NPC2: variants seen among roughly 807,000 people sequenced by gnomAD.
NPC2 encodes the protein Niemann-Pick disease type C2 protein.
Under a neutral mutation model 17.0 loss-of-function variants are expected in NPC2, and 14 were observed. The ratio of observed to expected loss-of-function variants is 0.82; its 90% confidence interval spans 0.54 to 1.29. The LOEUF is 1.29. Ranked by LOEUF, NPC2 falls within the 50% of genes most tolerant of loss-of-function variation. NPC2 has a pLI of 0.00. For missense variants in NPC2, 167 were observed against 183.4 expected, an observed-to-expected ratio of 0.91 and a Z score of 0.52; for synonymous variants, 75 against 69.3, an observed-to-expected ratio of 1.08 and a Z score of -0.41.
chr14:74,491,364 C>T (rs2086770225), intron 1 of NPC2, among the ~76,000 whole-genome samples: 1 of 152,152 alleles, frequency 6.6e-6, no homozygotes, highest in South Asian at 2.1e-4. Context: ...AGCCACTGTG[C>T]CTGGCCGGAA....
intron 1 of NPC2, 22 bp from the exon 2 acceptor site, chr14:74,486,458 G>T: frequency 1.9e-6 from 3 of 1,542,678 alleles, no homozygotes; most frequent in Non-Finnish European, 2.6e-6. Flanking sequence ...AAATGAATTG[G>T]AATAGGAGAA....
At chr14:74,491,335 T>A (rs2086769840) in intron 1 of NPC2, among the ~76,000 whole-genome samples, 2 of 152,152 alleles carry the variant, frequency 1.3e-5, no homozygotes, top group Non-Finnish European at 1.5e-5. Context: ...CCTCCCAAAG[T>A]GCTGGGATTA....
chr14:74,484,279 T>G lies in NPC2; in HGVS notation c.363+136A>C. On this transcript the variant is annotated intron_variant, in intron 3 of 4. Transcript: ENST00000555619. ...CTCCTGATGCCTAACACCGCACCTATCTCCTTTCCCTCGGGCTTCTTCTTC... is the reference window on the plus strand; with the variant it reads ...CTCCTGATGCCTAACACCGCACCTAGCTCCTTTCCCTCGGGCTTCTTCTTC... The G allele has an allele frequency of 4.3e-6, 4 of 921,474 alleles. No homozygotes were observed. In the South Asian group the frequency reaches 5.3e-5, roughly 12 times the overall value. The allele number at this position is 921,474 out of a possible 1,614,324, so 57.1% of individuals were successfully genotyped here.
intron 2 of NPC2, among the ~76,000 whole-genome samples, chr14:74,485,152 G>A (rs918124576): frequency 1.3e-5 from 2 of 151,810 alleles, no homozygotes; most frequent in Non-Finnish European, 2.9e-5. Flanking sequence ...AAAATTAGCC[G>A]GGCGTGGTGG....
In NPC2 at chr14:74,480,053, G is replaced by T. The variant is rs1258879921; in HGVS notation, c.*221C>A. 6.6e-7 allele frequency: 1 copy of T among 1,511,256 alleles called. No individual in the cohort carries two copies. Among genetic ancestry groups the T allele is most frequent in the Non-Finnish European group, 8.8e-7 (1 of 1,133,880 alleles). The allele number at this position is 1,511,256 out of a possible 1,614,324, so 93.6% of individuals were successfully genotyped here. ...AAAATTAAACATCTGCTAACCAAGT[G>T]CTGCATTTAATGAAACCACCTAAGA... On this transcript the variant is annotated 3_prime_UTR_variant, in exon 5 of 5. Transcript: ENST00000555619.
At chr14:74,486,589 T>C (rs563623927) in intron 1 of NPC2, among the ~76,000 whole-genome samples, 153 bp from the exon 2 acceptor site, 22 of 152,328 alleles carry the variant, frequency 1.4e-4, no homozygotes, top group Admixed American at 1.0e-3. Flanking sequence ...TTAAGAATAA[T>C]GCCCAATTAG....
chr14:74,481,201 C>T (rs1443604165), intron 3 of NPC2, among the ~76,000 whole-genome samples: 1 of 152,178 alleles, frequency 6.6e-6, no homozygotes, highest in African/African-American at 2.4e-5. Context: ...TAGCACCGTC[C>T]CCTTGGTGAT....
chr14:74,483,529 C>T, intron 3 of NPC2: 1 of 1,514,160 alleles, frequency 6.6e-7, no homozygotes, highest in South Asian at 1.3e-5. Flanking sequence ...AGCAGCAGCT[C>T]TGAGCTAGGT....
At chr14:74,487,415 T>G (rs1443413476) in intron 1 of NPC2, among the ~76,000 whole-genome samples, 1 of 151,898 alleles carries the variant, frequency 6.6e-6, no homozygotes, top group Non-Finnish European at 1.5e-5. Context: ...ACAATAGGCA[T>G]GCACCACCAC....
rs1595222117 is a variant in NPC2 at position 74,483,508 on chromosome 14, G to A, written c.363+907C>T. On this transcript the variant is annotated intron_variant, in intron 3 of 4. Transcript: ENST00000555619. ...AAAAGAAATCATGTCTGCTGCTCTA[G>A]GCCCATAGTCAGCAGCAGCTCTGAG... 22 of 1,550,030 alleles carry A rather than the reference G, an allele frequency of 1.4e-5. No homozygotes were observed. The South Asian group carries it at 2.6e-4, about 18-fold the overall frequency.
intron 3 of NPC2, among the ~76,000 whole-genome samples, chr14:74,482,830 T>C (rs943921160): frequency 4.6e-5 from 7 of 151,494 alleles, no homozygotes; most frequent in African/African-American, 9.7e-5. Flanking sequence ...AAATATTGTA[T>C]ATAAAAATGG....
chr14:74,489,797 G>A (rs890989087), intron 1 of NPC2, among the ~76,000 whole-genome samples: 4 of 152,216 alleles, frequency 2.6e-5, no homozygotes, highest in African/African-American at 4.8e-5. Flanking sequence ...TCTGGTGCCG[G>A]ATGCCTGGGT....
chr14:74,480,595 G>A (rs781245507), intron 4 of NPC2, 107 bp downstream of exon 4: 7 of 951,320 alleles, frequency 7.4e-6, no homozygotes, highest in Non-Finnish European at 1.2e-5. Flanking sequence ...GCATAAAACA[G>A]CAGTCTTGAA....
chr14:74,482,131 G>C (rs1474670309), intron 3 of NPC2, among the ~76,000 whole-genome samples: 1 of 152,184 alleles, frequency 6.6e-6, no homozygotes, highest in African/African-American at 2.4e-5. Context: ...ATACGTAACT[G>C]AGGTTCAGAC....
Position 74,486,318 on chromosome 14 carries a change from C to T in NPC2, c.190+11G>A, listed in dbSNP as rs747570988. 1 of 1,577,440 alleles carries T rather than the reference C, an allele frequency of 6.3e-7. No individual in the cohort carries two copies. The highest frequency in any genetic ancestry group is 8.6e-7 in the Non-Finnish European group (1 of 1,159,582). ...TAACATGAATTTGAGTTAAGAGCCA[C>T]TTTTACGCACTGCTGGTGAAGGTGA... On this transcript the variant is annotated intron_variant, in intron 2 of 4. Coordinates refer to ENST00000555619, the MANE Select transcript of NPC2 (RefSeq NM_006432.5).
At chr14:74,483,539 T>C (rs1479442602) in intron 3 of NPC2, 25 of 1,476,610 alleles carry the variant, frequency 1.7e-5, no homozygotes, top group Non-Finnish European at 2.3e-5. Context: ...CTGAGCTAGG[T>C]TACAGGAATG....
chr14:74,480,432 G>GA lies in NPC2; in HGVS notation c.442-145dup, dbSNP rs559958541. 1.8e-4 allele frequency: 143 copies of GA among 811,914 alleles called. 1 individual carries two copies. In the African/African-American group the frequency reaches 2.2e-3, roughly 12 times the overall value. The allele number at this position is 811,914 out of a possible 1,614,324, so 50.3% of individuals were successfully genotyped here. ...TGGCTGGACCTTCCTTACTCCGACA[G>GA]AAAAAAACCAATGAAGACAGTTAAA... On this transcript the variant is annotated intron_variant, in intron 4 of 4. Coordinates refer to ENST00000555619, the MANE Select transcript of NPC2 (RefSeq NM_006432.5).
chr14:74,482,940 T>C (rs12433382), intron 3 of NPC2: 102,056 of 516,948 alleles, frequency 0.2, 11,407 homozygotes, highest in African/African-American at 0.33. Flanking sequence ...GGTGCCAGAC[T>C]GGGGGAATCA....
At chr14:74,484,616 A>C in intron 2 of NPC2, 29 bp from the exon 3 acceptor site, 1 of 1,612,822 alleles carries the variant, frequency 6.2e-7, no homozygotes, top group African/African-American at 1.3e-5. Flanking sequence ...ATCAGATGGC[A>C]AAGAAAATAA....
Sources: allele counts gnomAD v4.1 joint callset (sites outside exome capture counted in the v4.1 genomes callset), GRCh38; gene constraint gnomAD v4.1.1; transcripts MANE v1.5; gene names NCBI Gene and HGNC (gene_info 2026-07-23, HGNC 2026-07-21).